Variants in MAD1L1 observed in about 807,000 individuals in gnomAD.
MAD1L1 encodes the protein mitotic arrest deficient 1 like 1.
A neutral mutation model predicts 96.9 loss-of-function variants in MAD1L1; 95 were observed. That is an observed-to-expected ratio of 0.98 (90% CI 0.83 to 1.16). The LOEUF is 1.16. Among genes scored for constraint, MAD1L1 ranks in the 50% most tolerant of loss-of-function variants. The pLI is 0.00. For missense variants in MAD1L1, 1,007 were observed against 954.4 expected, an observed-to-expected ratio of 1.06 and a Z score of -0.73; for synonymous variants, 473 against 396.6, an observed-to-expected ratio of 1.19 and a Z score of -2.29.
intron 3 of MAD1L1, among the ~76,000 whole-genome samples, chr7:2,225,759 G>A (rs946903139): frequency 5.9e-5 from 9 of 152,186 alleles, no homozygotes; most frequent in South Asian, 4.1e-4. Flanking sequence ...AGAGGAAGAC[G>A]TCTTTTGAGA....
At chr7:1,933,429 C>T (rs1789596542) in intron 17 of MAD1L1, among the ~76,000 whole-genome samples, 1 of 152,182 alleles carries the variant, frequency 6.6e-6, no homozygotes, top group Non-Finnish European at 1.5e-5. Context: ...GTGTGCGATC[C>T]AGGCCCACAC....
At chr7:2,231,369 C>T (rs1045263887) in intron 1 of MAD1L1, among the ~76,000 whole-genome samples, 3 of 152,162 alleles carry the variant, frequency 2.0e-5, no homozygotes, top group Non-Finnish European at 1.5e-5. Context: ...CCTGTAATCC[C>T]AGCACTTTGT....
chr7:2,231,590 G>C (rs765761940), intron 1 of MAD1L1, among the ~76,000 whole-genome samples: 8 of 152,026 alleles, frequency 5.3e-5, no homozygotes, highest in East Asian at 1.9e-4. Context: ...CTGGGTGCCA[G>C]AGCAAGACTC....
chr7:1,922,053 C>T (rs983707041), intron 17 of MAD1L1, among the ~76,000 whole-genome samples: 1 of 152,358 alleles, frequency 6.6e-6, no homozygotes, highest in Admixed American at 6.5e-5. Context: ...AACCAATCAG[C>T]CCTGTCTCTC....
intron 10 of MAD1L1, among the ~76,000 whole-genome samples, chr7:2,167,663 G>A (rs760794522): frequency 2.0e-5 from 3 of 152,032 alleles, no homozygotes; most frequent in African/African-American, 4.8e-5. Flanking sequence ...CCGGGAGTTC[G>A]AGGCAGTAGT....
At chr7:2,012,832 T>G (rs1391169966) in intron 13 of MAD1L1, among the ~76,000 whole-genome samples, 1 of 152,128 alleles carries the variant, frequency 6.6e-6, no homozygotes, top group Non-Finnish European at 1.5e-5. Context: ...CTGGGACCTG[T>G]CATTCTCGCC....
rs868864011 is a variant in MAD1L1, at chr7:1,870,432, C to T, written c.1998+27768G>A. On this transcript the variant is annotated intron_variant, in intron 18 of 18. Coordinates refer to ENST00000265854, the MANE Select transcript of MAD1L1 (RefSeq NM_001013836.2). ...CGCTGAACCCAACATACTCCTGCCACGCTGAACCCACCGTAACACCTGCCA... is the reference window on the plus strand; with the variant it reads ...CGCTGAACCCAACATACTCCTGCCATGCTGAACCCACCGTAACACCTGCCA... Among the ~76,000 whole-genome samples the T allele has an allele frequency of 1.0e-4, 14 of 136,366 alleles. 1 individual carries two copies. Among genetic ancestry groups the T allele is most frequent in the South Asian group, 7.2e-4 (3 of 4,174 alleles). 89.5% of individuals were successfully genotyped at this position (136,366 alleles called of 152,430 possible). A position where few individuals can be genotyped will look rare whatever the true frequency, so the allele number is the denominator to read the frequency against.
chr7:1,893,501 A>C (rs1562497852), intron 18 of MAD1L1, among the ~76,000 whole-genome samples: 1 of 152,122 alleles, frequency 6.6e-6, no homozygotes, highest in Non-Finnish European at 1.5e-5. Flanking sequence ...ATCTTTCAGG[A>C]GCACGGGAGC....
At chr7:2,177,238 T>C (rs1312704402) in intron 10 of MAD1L1, among the ~76,000 whole-genome samples, 2 of 152,244 alleles carry the variant, frequency 1.3e-5, no homozygotes, top group African/African-American at 4.8e-5. Context: ...CTAAAATGAT[T>C]AGCCACATTA....
chr7:2,075,253 G>A (rs983087069), intron 11 of MAD1L1, among the ~76,000 whole-genome samples: 3 of 152,164 alleles, frequency 2.0e-5, no homozygotes, highest in Admixed American at 6.5e-5. Flanking sequence ...CCCATCTAGC[G>A]TTTCAGACAC....
chr7:2,056,978 T>C (rs779398084), intron 12 of MAD1L1, among the ~76,000 whole-genome samples: 2 of 152,224 alleles, frequency 1.3e-5, no homozygotes, highest in African/African-American at 4.8e-5. Flanking sequence ...GCACGGCAGA[T>C]GGACACAGCT....
chr7:1,817,826 G>A (rs1007870795), intron 18 of MAD1L1, among the ~76,000 whole-genome samples: 14 of 151,992 alleles, frequency 9.2e-5, no homozygotes, highest in African/African-American at 3.1e-4. Context: ...GCTTGGTCCT[G>A]GCAGCTCCCC....
intron 16 of MAD1L1, among the ~76,000 whole-genome samples, chr7:1,944,309 C>T (rs73051876): frequency 0.034 from 5,202 of 152,216 alleles, 186 homozygotes; most frequent in Admixed American, 0.096. Context: ...TTGCACTAGC[C>T]GTGGACATAA....
intron 12 of MAD1L1, among the ~76,000 whole-genome samples, chr7:2,064,213 G>A (rs934969510): frequency 1.3e-5 from 2 of 152,160 alleles, no homozygotes; most frequent in Non-Finnish European, 2.9e-5. Flanking sequence ...GACACGAAGA[G>A]CAACATGTCT....
At chr7:2,065,889 T>C (rs1784857125) in intron 12 of MAD1L1, among the ~76,000 whole-genome samples, 1 of 152,188 alleles carries the variant, frequency 6.6e-6, no homozygotes, top group South Asian at 2.1e-4. Flanking sequence ...AAAAGTTAGC[T>C]TGTATCACTG....
chr7:2,035,324 A>C (rs1420515701), intron 12 of MAD1L1, among the ~76,000 whole-genome samples: 4 of 139,980 alleles, frequency 2.9e-5, no homozygotes, highest in Non-Finnish European at 6.1e-5. Context: ...GAGCACTGAC[A>C]AGTCGGGACA....
intron 16 of MAD1L1, among the ~76,000 whole-genome samples, chr7:1,938,746 GCACACA>G (rs71023370): frequency 1.0e-3 from 101 of 99,730 alleles, no homozygotes; most frequent in South Asian, 4.8e-3. Flanking sequence ...AGGCGCGCAC[GCACACA>G]CACACACACA....
intron 10 of MAD1L1, among the ~76,000 whole-genome samples, chr7:2,204,560 T>G (rs548406761): frequency 6.6e-6 from 1 of 152,236 alleles, no homozygotes; most frequent in African/African-American, 2.4e-5. Flanking sequence ...TGGGATGGTA[T>G]AGTAAGTATA....
At chr7:2,139,314 G>A (rs1788910705) in intron 11 of MAD1L1, among the ~76,000 whole-genome samples, 1 of 129,956 alleles carries the variant, frequency 7.7e-6, no homozygotes, top group African/African-American at 2.9e-5. Context: ...CCTAGCTCAC[G>A]GGACCACCCT....
Sources: allele counts gnomAD v4.1 joint callset (sites outside exome capture counted in the v4.1 genomes callset), GRCh38; gene constraint gnomAD v4.1.1; transcripts MANE v1.5; gene names NCBI Gene and HGNC (gene_info 2026-07-23, HGNC 2026-07-21).